Variants in SLC24A3 observed in about 807,000 individuals in gnomAD.
SLC24A3 encodes sodium/potassium/calcium exchanger 3.
A neutral mutation model predicts 75.8 loss-of-function variants in SLC24A3; 28 were observed. The ratio of observed to expected loss-of-function variants is 0.37; its 90% confidence interval spans 0.27 to 0.51. The LOEUF is 0.51. Among genes scored for constraint, SLC24A3 ranks in the 20% least tolerant of loss-of-function variants. SLC24A3 has a pLI of 0.94. For missense variants in SLC24A3, 663 were observed against 847.8 expected, an observed-to-expected ratio of 0.78 and a Z score of 2.71; for synonymous variants, 372 against 334.1, an observed-to-expected ratio of 1.11 and a Z score of -1.24.
chr20:19,357,512 A>C (rs903502458), intron 2 of SLC24A3, among the ~76,000 whole-genome samples: 1 of 152,156 alleles, frequency 6.6e-6, no homozygotes, highest in Non-Finnish European at 1.5e-5. Context: ...TTGCTGCATT[A>C]TGGATATTAA....
chr20:19,460,474 G>C (rs186397976), intron 2 of SLC24A3, among the ~76,000 whole-genome samples: 59 of 152,212 alleles, frequency 3.9e-4, no homozygotes, highest in African/African-American at 1.4e-3. Flanking sequence ...TAGCTGCCCA[G>C]ATAGTGCAAT....
chr20:19,260,758 C>T (rs1012264339), intron 1 of SLC24A3, among the ~76,000 whole-genome samples: 1 of 152,180 alleles, frequency 6.6e-6, no homozygotes, highest in Non-Finnish European at 1.5e-5. Context: ...AGAAGGCCTG[C>T]GAGGCATCAT....
chr20:19,602,733 C>T (rs149609335), intron 6 of SLC24A3, among the ~76,000 whole-genome samples: 16 of 152,342 alleles, frequency 1.1e-4, no homozygotes, highest in African/African-American at 3.4e-4. Flanking sequence ...TCATCACGTA[C>T]ATGAAATCCC....
At chr20:19,406,293 T>C (rs1469426507) in intron 2 of SLC24A3, among the ~76,000 whole-genome samples, 1 of 152,114 alleles carries the variant, frequency 6.6e-6, no homozygotes, top group Non-Finnish European at 1.5e-5. Flanking sequence ...GATTCAATTT[T>C]CTGAAATTCC....
chr20:19,643,166 T>G (rs2032095677), intron 6 of SLC24A3, among the ~76,000 whole-genome samples: 1 of 152,168 alleles, frequency 6.6e-6, no homozygotes, highest in African/African-American at 2.4e-5. Context: ...CATCTGCACC[T>G]GAGGGGGACA....
At chr20:19,648,936 G>C (rs1346226125) in intron 6 of SLC24A3, among the ~76,000 whole-genome samples, 2 of 152,246 alleles carry the variant, frequency 1.3e-5, no homozygotes, top group African/African-American at 4.8e-5. Flanking sequence ...GGCTGAATCT[G>C]TGGAGGAGTG....
chr20:19,229,328 C>T (rs1981952009), intron 1 of SLC24A3, among the ~76,000 whole-genome samples: 1 of 151,812 alleles, frequency 6.6e-6, no homozygotes, highest in South Asian at 2.1e-4. Flanking sequence ...TCTCTTTTCC[C>T]TTTTCCCTGA....
intron 2 of SLC24A3, among the ~76,000 whole-genome samples, chr20:19,304,105 C>T (rs1309831723): frequency 6.6e-6 from 1 of 152,182 alleles, no homozygotes; most frequent in Non-Finnish European, 1.5e-5. Flanking sequence ...CCCCGTAGAG[C>T]AAGTTTAAAC....
At chr20:19,697,814 G>A (rs2032827623) in intron 14 of SLC24A3, among the ~76,000 whole-genome samples, 1 of 152,194 alleles carries the variant, frequency 6.6e-6, no homozygotes, top group African/African-American at 2.4e-5. Context: ...ATGCAGGTGT[G>A]AGCTCGGGAG....
At chr20:19,533,798 T>C (rs1348121140) in intron 3 of SLC24A3, among the ~76,000 whole-genome samples, 1 of 152,184 alleles carries the variant, frequency 6.6e-6, no homozygotes, top group Non-Finnish European at 1.5e-5. Flanking sequence ...CCCAACCATA[T>C]CTATATCTTG....
chr20:19,510,746 A>C (rs974357114), intron 2 of SLC24A3, among the ~76,000 whole-genome samples: 3 of 152,202 alleles, frequency 2.0e-5, no homozygotes, highest in African/African-American at 7.2e-5. Flanking sequence ...CCTCATCAGA[A>C]CCCAACCATG....
At chr20:19,553,449 A>G (rs990347316) in intron 3 of SLC24A3, among the ~76,000 whole-genome samples, 14 of 152,162 alleles carry the variant, frequency 9.2e-5, no homozygotes, top group African/African-American at 3.1e-4. Context: ...GAGAAATCTC[A>G]TGTATGGAAG....
chr20:19,287,913 A>G (rs1257875139), intron 2 of SLC24A3, among the ~76,000 whole-genome samples: 2 of 152,212 alleles, frequency 1.3e-5, no homozygotes, highest in Admixed American at 6.5e-5. Context: ...CCCTCTGTAA[A>G]ATGCAAATTA....
intron 3 of SLC24A3, among the ~76,000 whole-genome samples, chr20:19,537,933 C>T (rs1479777160): frequency 1.9e-4 from 28 of 151,166 alleles, no homozygotes; most frequent in Admixed American, 1.4e-3. Flanking sequence ...TGCTAAATGA[C>T]GAGTTAATGG....
chr20:19,299,595 G>T (rs940707975), intron 2 of SLC24A3, among the ~76,000 whole-genome samples: 1 of 152,138 alleles, frequency 6.6e-6, no homozygotes, highest in Non-Finnish European at 1.5e-5. Flanking sequence ...TTTTTATTTT[G>T]TAATACAAAA....
chr20:19,283,011 C>G (rs1983705165), intron 2 of SLC24A3: 1 of 152,454 alleles, frequency 6.6e-6, no homozygotes, highest in African/African-American at 2.4e-5. Context: ...AGGGGCCACA[C>G]AGGGAAAGGG....
At chr20:19,501,633 G>A (rs1402129654) in intron 2 of SLC24A3, among the ~76,000 whole-genome samples, 1 of 152,218 alleles carries the variant, frequency 6.6e-6, no homozygotes, top group East Asian at 1.9e-4. Flanking sequence ...TCTTGCCTCT[G>A]AGCCTTGGGG....
intron 3 of SLC24A3, among the ~76,000 whole-genome samples, chr20:19,565,177 G>T (rs1431586382): frequency 6.6e-6 from 1 of 152,192 alleles, no homozygotes; most frequent in East Asian, 1.9e-4. Flanking sequence ...AGTAAGTCTA[G>T]GTTTAGCTTT....
intron 2 of SLC24A3, among the ~76,000 whole-genome samples, chr20:19,292,561 G>A (rs781551242): frequency 8.5e-5 from 13 of 152,140 alleles, no homozygotes; most frequent in Non-Finnish European, 1.6e-4. Context: ...TTGTTGACTT[G>A]CCCTGGGTAA....
Sources: allele counts gnomAD v4.1 joint callset (sites outside exome capture counted in the v4.1 genomes callset), GRCh38; gene constraint gnomAD v4.1.1; transcripts MANE v1.5; gene names NCBI Gene and HGNC (gene_info 2026-07-23, HGNC 2026-07-21).